Variants in PPP2R2B observed in about 807,000 individuals in gnomAD.
The protein encoded by PPP2R2B is serine/threonine-protein phosphatase 2A 55 kDa regulatory subunit B beta isoform.
PPP2R2B carries 5 observed loss-of-function variants against 46.0 expected under a neutral mutation model. The ratio of observed to expected loss-of-function variants is 0.11; its 90% confidence interval spans 0.06 to 0.23. The LOEUF is 0.23. Among genes scored for constraint, PPP2R2B ranks in the 10% least tolerant of loss-of-function variants. The probability of loss-of-function intolerance (pLI) is 1.00; values close to 1 mark genes in which losing one functional copy is unlikely to be tolerated. For synonymous variants in PPP2R2B, 215 were observed against 206.7 expected, an observed-to-expected ratio of 1.04 and a Z score of -0.34; for missense variants, 367 against 575.0, an observed-to-expected ratio of 0.64 and a Z score of 3.70.
intron 1 of PPP2R2B, among the ~76,000 whole-genome samples, chr5:146,940,148 G>A (rs982058560): frequency 4.4e-4 from 67 of 152,168 alleles, no homozygotes; most frequent in African/African-American, 1.5e-3. Flanking sequence ...TCTACTGTCT[G>A]TCTTTCTTGC....
chr5:146,880,106 T>C (rs1278767250), upstream of PPP2R2B, among the ~76,000 whole-genome samples: 2 of 152,064 alleles, frequency 1.3e-5, no homozygotes, highest in Non-Finnish European at 2.9e-5. Flanking sequence ...GAAAATGACA[T>C]CTTCCTCATC....
intron 2 of PPP2R2B, among the ~76,000 whole-genome samples, chr5:146,759,697 T>C (rs1389456108): frequency 6.6e-6 from 1 of 152,048 alleles, no homozygotes; most frequent in African/African-American, 2.4e-5. Context: ...TTCTTCATAA[T>C]AACATATATT....
chr5:146,912,519 T>C (rs1191715147), intron 1 of PPP2R2B, among the ~76,000 whole-genome samples: 1 of 150,380 alleles, frequency 6.6e-6, no homozygotes, highest in Non-Finnish European at 1.5e-5. Flanking sequence ...TTTCTTTTTT[T>C]TTTTTTGTTT....
chr5:146,698,025 T>C lies in PPP2R2B; in HGVS notation c.288A>G (p.Arg96=), dbSNP rs755046384. ...LEIEEKINKI[R]WLPQQNAAYF... ...AAGCTGCATTCTGCTGGGGGAGCCATCTTATTTTATTGATTTTTTCTTCTA... is the reference window on the plus strand; with the variant it reads ...AAGCTGCATTCTGCTGGGGGAGCCACCTTATTTTATTGATTTTTTCTTCTA... Residue 96 remains arginine (R), a synonymous_variant, in exon 4 of 10, where the codon AGA becomes AGG. Transcript: ENST00000394411. 8.1e-6 allele frequency: 13 copies of C among 1,613,686 alleles called. No individual in the cohort carries two copies. The Admixed American group carries it at 2.0e-4, about 25-fold the overall frequency.
chr5:146,592,201 G>T, intron 9 of PPP2R2B: 1 of 415,436 alleles, frequency 2.4e-6, no homozygotes, highest in Non-Finnish European at 4.7e-6. Flanking sequence ...AGCCTGCTAA[G>T]GAGGGGATTC....
intron 6 of PPP2R2B, among the ~76,000 whole-genome samples, chr5:146,644,568 G>T (rs146405747): frequency 6.6e-6 from 1 of 152,134 alleles, no homozygotes; most frequent in Non-Finnish European, 1.5e-5. Flanking sequence ...TCATCTCGAT[G>T]GGTAAAGTTT....
chr5:146,772,714 A>C (rs1754945852), intron 2 of PPP2R2B, among the ~76,000 whole-genome samples: 2 of 152,260 alleles, frequency 1.3e-5, no homozygotes, highest in African/African-American at 4.8e-5. Context: ...CATTTTCCTC[A>C]ACTGGTGTCT....
At position 147,033,152 on chromosome 5, in the gene PPP2R2B, G is replaced by A. The variant is rs532152875; in HGVS notation, c.79+22513C>T. 8.2e-4 allele frequency among the ~76,000 whole-genome samples: 125 copies of A among 152,294 alleles called. 3 individuals are homozygous for A. Among genetic ancestry groups the A allele is most frequent in the African/African-American group, 2.9e-3 (122 of 41,572 alleles). On this transcript the variant is annotated intron_variant, in intron 1 of 8. Coordinates refer to the PPP2R2B transcript ENST00000336640. ...GCAATCAGTGGACCTAAAAGCTGCT[G>A]TACTATAACAGTAGAGAAGATTACT...
intron 7 of PPP2R2B, among the ~76,000 whole-genome samples, chr5:146,604,367 G>T (rs1478898497): frequency 1.3e-5 from 2 of 152,202 alleles, no homozygotes; most frequent in Non-Finnish European, 2.9e-5. Flanking sequence ...ATCAACACTA[G>T]CCTTTCTCCT....
In PPP2R2B at chr5:146,650,562, T is replaced by G; in HGVS notation, c.610A>C (p.Thr204Pro). The part of the protein sequence containing the change: ...LRINLWNFEI[T>P]NQSFNIVDIK... ...GAAAGGATACTAAAACTTTGATTGGTTATTTCAAAGTTCCATAGGTTAATC... is the reference window on the plus strand; with the variant it reads ...GAAAGGATACTAAAACTTTGATTGGGTATTTCAAAGTTCCATAGGTTAATC... Residue 204 changes from threonine to proline, a missense_variant, in exon 6 of 10, where the codon ACC becomes CCC. By Grantham distance (38) the Thr-to-Pro change is conservative (BLOSUM62 -1). Coordinates refer to ENST00000394411, the MANE Select transcript of PPP2R2B (RefSeq NM_181675.4). 6.2e-7 allele frequency: 1 copy of G among 1,613,340 alleles called. No individual in the cohort carries two copies. The highest frequency in any genetic ancestry group is 8.5e-7 in the Non-Finnish European group (1 of 1,179,692).
At chr5:146,880,590 G>C (rs1188124714), upstream of PPP2R2B, among the ~76,000 whole-genome samples, 1 of 152,112 alleles carries the variant, frequency 6.6e-6, no homozygotes, top group Non-Finnish European at 1.5e-5. Context: ...ATTGTTTCAG[G>C]AGGCCTTGGA....
intron 1 of PPP2R2B, among the ~76,000 whole-genome samples, chr5:146,935,134 A>G (rs1764098823): frequency 6.6e-6 from 1 of 152,222 alleles, no homozygotes; most frequent in African/African-American, 2.4e-5. Context: ...CAAAATTCAT[A>G]TGTTGAAATC....
At chr5:146,992,977 C>T (rs1209629069) in intron 1 of PPP2R2B, among the ~76,000 whole-genome samples, 1 of 152,148 alleles carries the variant, frequency 6.6e-6, no homozygotes, top group African/African-American at 2.4e-5. Context: ...GAGTCTTGCT[C>T]TGTCACCCAG....
intron 2 of PPP2R2B, among the ~76,000 whole-genome samples, chr5:146,806,222 G>T (rs945476224): frequency 2.0e-5 from 3 of 152,152 alleles, no homozygotes; most frequent in Admixed American, 6.5e-5. Flanking sequence ...GTCAGTGATA[G>T]GGCTATGAAT....
intron 2 of PPP2R2B, chr5:146,707,190 C>T (rs1779917008): frequency 1.3e-6 from 2 of 1,575,382 alleles, no homozygotes; most frequent in Non-Finnish European, 1.7e-6. Context: ...TGATGTAGCT[C>T]TCGAATATGT....
Position 146,585,217 on chromosome 5 carries a change from A to T in PPP2R2B, c.*4730T>A, listed in dbSNP as rs368948321. On this transcript the variant is annotated 3_prime_UTR_variant, in exon 10 of 10. Coordinates refer to ENST00000394411, the MANE Select transcript of PPP2R2B (RefSeq NM_181675.4). ...TAATTCATTGAGCTTATGGGTCATTACTGGGGCTTGTTTTCTGATCAGTAA... is the reference window on the plus strand; with the variant it reads ...TAATTCATTGAGCTTATGGGTCATTTCTGGGGCTTGTTTTCTGATCAGTAA... 1.4e-4 allele frequency: 20 copies of T among 146,780 alleles called. No homozygotes were observed. The highest frequency in any genetic ancestry group is 4.7e-4 in the African/African-American group (19 of 40,024). 9.1% of individuals were successfully genotyped at this position (146,780 alleles called of 1,614,324 possible).
rs1417520713 is a variant in PPP2R2B, at chr5:146,904,283, G to A, written c.79+151382C>T. 3.3e-5 allele frequency among the ~76,000 whole-genome samples: 5 copies of A among 152,042 alleles called. No homozygotes were observed. The East Asian group carries it at 9.6e-4, about 29-fold the overall frequency. ...ATCCACAGTTCCTAAAAGTATGAAA[G>A]GTCAGTATTCTGGGGAAGAAAAAGG... On this transcript the variant is annotated intron_variant, in intron 1 of 8. Coordinates refer to the PPP2R2B transcript ENST00000336640.
intron 9 of PPP2R2B, among the ~76,000 whole-genome samples, chr5:146,591,065 G>T (rs556932210): frequency 6.6e-6 from 1 of 152,184 alleles, no homozygotes; most frequent in Non-Finnish European, 1.5e-5. Flanking sequence ...TTTCAGACAC[G>T]GTGACAAGCT....
At chr5:147,039,270 G>A (rs949484224) in intron 1 of PPP2R2B, among the ~76,000 whole-genome samples, 12 of 152,104 alleles carry the variant, frequency 7.9e-5, no homozygotes, top group Non-Finnish European at 1.8e-4. Context: ...TTATCACTAT[G>A]TTAAAAGTTA....
Sources: allele counts gnomAD v4.1 joint callset (sites outside exome capture counted in the v4.1 genomes callset), GRCh38; gene constraint gnomAD v4.1.1; transcripts MANE v1.5; gene names NCBI Gene and HGNC (gene_info 2026-07-23, HGNC 2026-07-21).